RALYL: variants seen among roughly 807,000 people sequenced by gnomAD.
RALYL encodes the protein RNA-binding Raly-like protein.
A neutral mutation model predicts 35.1 loss-of-function variants in RALYL; 29 were observed. That is an observed-to-expected ratio of 0.83 (90% CI 0.61 to 1.13). The LOEUF is 1.13. Ranked by LOEUF, RALYL falls within the 50% of genes most tolerant of loss-of-function variation. RALYL has a pLI of 0.00. For synonymous variants in RALYL, 120 were observed against 127.6 expected, an observed-to-expected ratio of 0.94 and a Z score of 0.40; for missense variants, 359 against 360.4, an observed-to-expected ratio of 1.00 and a Z score of 0.03.
chr8:84,589,675 T>C (rs1271460484), intron 2 of RALYL, among the ~76,000 whole-genome samples: 4 of 152,218 alleles, frequency 2.6e-5, no homozygotes, highest in Admixed American at 6.5e-5. Context: ...TATTAATTAT[T>C]TTCAGCTGAT....
At chr8:84,380,593 G>A (rs1857781738) in intron 1 of RALYL, among the ~76,000 whole-genome samples, 1 of 151,658 alleles carries the variant, frequency 6.6e-6, no homozygotes. Context: ...TAGAATGTAG[G>A]AAAAAAAGAA....
chr8:84,238,693 G>C (rs1291160300), intron 1 of RALYL, among the ~76,000 whole-genome samples: 1 of 152,134 alleles, frequency 6.6e-6, no homozygotes, highest in Non-Finnish European at 1.5e-5. Flanking sequence ...CAAGCCCTTT[G>C]AAGGCTGTAG....
intron 1 of RALYL, among the ~76,000 whole-genome samples, chr8:84,409,358 A>AT (rs2132139295): frequency 1.3e-5 from 2 of 152,198 alleles, no homozygotes; most frequent in Non-Finnish European, 2.9e-5. Flanking sequence ...TGCAATGTGT[A>AT]TAATTAATTA....
intron 2 of RALYL, among the ~76,000 whole-genome samples, chr8:84,616,418 C>T (rs1005658293): frequency 1.3e-5 from 2 of 149,992 alleles, no homozygotes; most frequent in African/African-American, 5.0e-5. Context: ...CTGTTCATGT[C>T]CTTTGCCCAC....
intron 1 of RALYL, among the ~76,000 whole-genome samples, chr8:84,316,277 G>T (rs1843736738): frequency 6.6e-6 from 1 of 152,050 alleles, no homozygotes; most frequent in African/African-American, 2.4e-5. Flanking sequence ...GGATGAGAAA[G>T]ACATGGAAAA....
chr8:84,551,620 GAGTC>G, intron 2 of RALYL, among the ~76,000 whole-genome samples: 1 of 152,216 alleles, frequency 6.6e-6, no homozygotes, highest in East Asian at 1.9e-4. Context: ...TGAGGAAAGA[GAGTC>G]AGAAGTGGAT....
At chr8:84,728,747 C>A (rs895102043) in intron 2 of RALYL, among the ~76,000 whole-genome samples, 2 of 152,098 alleles carry the variant, frequency 1.3e-5, no homozygotes, top group African/African-American at 4.8e-5. Flanking sequence ...TTCCCCATTA[C>A]TTGTTTTTCT....
intron 1 of RALYL, among the ~76,000 whole-genome samples, chr8:84,510,821 C>T (rs779898074): frequency 2.0e-5 from 3 of 149,414 alleles, no homozygotes; most frequent in Admixed American, 6.7e-5. Context: ...AAAAAAAAAA[C>T]CATAATTGTA....
In RALYL at chr8:84,329,225, AG is replaced by A. The variant is rs1480151463; in HGVS notation, c.-24+144802del. Among the ~76,000 whole-genome samples the A allele has an allele frequency of 2.6e-5, 4 of 152,310 alleles. No individual in the cohort carries two copies. In the East Asian group the frequency reaches 7.7e-4, roughly 29 times the overall value. ...TGACCTAATTTACATTCCCACCAAC[AG>A]TATGTAAGCATTTCTTTTTCTCCAC... is the stretch of plus-strand genomic sequence containing the variant. On this transcript the variant is annotated intron_variant, in intron 1 of 8. Coordinates refer to ENST00000521268, the MANE Select transcript of RALYL (RefSeq NM_173848.7).
chr8:84,204,264 A>C (rs574498685), intron 1 of RALYL, among the ~76,000 whole-genome samples: 68 of 152,214 alleles, frequency 4.5e-4, no homozygotes, highest in Non-Finnish European at 8.7e-4. Flanking sequence ...AAAAAAAATG[A>C]GAGGAAGAGC....
At chr8:84,374,302 C>T (rs1856495737) in intron 1 of RALYL, among the ~76,000 whole-genome samples, 1 of 151,938 alleles carries the variant, frequency 6.6e-6, no homozygotes, top group Admixed American at 6.6e-5. Context: ...AAAGGGAATG[C>T]TTCCAGCTTT....
chr8:84,514,112 A>AAAAAAAAAAG (rs1554701901), intron 1 of RALYL, among the ~76,000 whole-genome samples: 4 of 140,036 alleles, frequency 2.9e-5, no homozygotes, highest in East Asian at 4.1e-4. Context: ...AAAAAAAAAA[A>AAAAAAAAAAG]AAAGAAAGAA....
chr8:84,820,603 G>T (rs1828309574), intron 4 of RALYL, among the ~76,000 whole-genome samples: 1 of 152,000 alleles, frequency 6.6e-6, no homozygotes, highest in Non-Finnish European at 1.5e-5. Context: ...TGTTGCATAG[G>T]TATACATGTG....
At chr8:84,606,993 G>A (rs1327487900) in intron 2 of RALYL, among the ~76,000 whole-genome samples, 1 of 151,836 alleles carries the variant, frequency 6.6e-6, no homozygotes, top group Admixed American at 6.6e-5. Flanking sequence ...TTCTAGAAGT[G>A]GGGTGTGTGT....
At chr8:84,472,467 A>G (rs922729304) in intron 1 of RALYL, among the ~76,000 whole-genome samples, 8 of 152,202 alleles carry the variant, frequency 5.3e-5, no homozygotes, top group African/African-American at 1.9e-4. Context: ...AGAAAATTCT[A>G]GAGAAAAAGA....
intron 7 of RALYL, among the ~76,000 whole-genome samples, chr8:84,882,204 A>T (rs1455707891): frequency 6.6e-6 from 1 of 151,968 alleles, no homozygotes; most frequent in Non-Finnish European, 1.5e-5. Flanking sequence ...TTTAAAAAAA[A>T]TCTAATACTC....
At chr8:84,865,649 CA>C (rs1839045923) in intron 6 of RALYL, among the ~76,000 whole-genome samples, 1 of 151,896 alleles carries the variant, frequency 6.6e-6, no homozygotes, top group Admixed American at 6.6e-5. Flanking sequence ...TAGCATTTTA[CA>C]AAAGAGAAAA....
chr8:84,280,094 G>T (rs1836242911), intron 1 of RALYL, among the ~76,000 whole-genome samples: 1 of 152,162 alleles, frequency 6.6e-6, no homozygotes, highest in Non-Finnish European at 1.5e-5. Context: ...AATGCTGAAA[G>T]AACTGCTATA....
chr8:84,420,084 T>C (rs894415177), intron 1 of RALYL, among the ~76,000 whole-genome samples: 4 of 151,624 alleles, frequency 2.6e-5, no homozygotes, highest in African/African-American at 9.7e-5. Context: ...CTGGGTCAAA[T>C]GGTATTTGTA....
Sources: gnomAD v4.1 joint callset for allele counts (sites outside exome capture counted in the v4.1 genomes callset) on GRCh38, gnomAD v4.1.1 for gene constraint, MANE v1.5 for transcripts, NCBI Gene and HGNC (gene_info 2026-07-23, HGNC 2026-07-21) for gene names.